The following MORC1 variants were observed in gnomAD, a reference collection of about 807,000 sequenced individuals.
MORC1 encodes the protein MORC family CW-type zinc finger protein 1.
MORC1 carries 59 observed loss-of-function variants against 134.9 expected under a neutral mutation model. The observed-to-expected ratio is 0.44, with a 90% CI of 0.35 to 0.54. MORC1 has a LOEUF of 0.54. Ranked by LOEUF, MORC1 falls within the 20% of genes least tolerant of loss-of-function variation. The probability of loss-of-function intolerance (pLI) is 0.00; values close to 1 mark genes in which losing one functional copy is unlikely to be tolerated. For missense variants in MORC1, 947 were observed against 1,134.5 expected, an observed-to-expected ratio of 0.83 and a Z score of 2.37; for synonymous variants, 395 against 391.7, an observed-to-expected ratio of 1.01 and a Z score of -0.10.
intron 21 of MORC1, among the ~76,000 whole-genome samples, chr3:108,988,200 C>A: frequency 6.6e-6 from 1 of 152,096 alleles, no homozygotes. Context: ...TAAATGGGCA[C>A]ATGTGTAGCC....
chr3:108,980,956 G>C (rs141145532), intron 23 of MORC1, among the ~76,000 whole-genome samples: 182 of 152,196 alleles, frequency 1.2e-3, no homozygotes, highest in African/African-American at 4.2e-3. Flanking sequence ...AGCAGAGTGG[G>C]CACTACCATT....
At chr3:108,981,236 C>T (rs1947708965) in intron 23 of MORC1, among the ~76,000 whole-genome samples, 1 of 151,878 alleles carries the variant, frequency 6.6e-6, no homozygotes, top group East Asian at 1.9e-4. Context: ...ATGCTGATGT[C>T]CATAAATTAA....
rs78844971 is a variant in MORC1 at position 109,083,487 on chromosome 3, A to G, written c.689+9949T>C. On this transcript the variant is annotated intron_variant, in intron 8 of 27. Coordinates refer to ENST00000232603, the MANE Select transcript of MORC1 (RefSeq NM_014429.4). ...GCAACCTGTTAAGAGATAGTAATATAGTGCTGGGCGCAGTGGCTCACGCCT... is the reference window on the plus strand; with the variant it reads ...GCAACCTGTTAAGAGATAGTAATATGGTGCTGGGCGCAGTGGCTCACGCCT... 2.4e-3 allele frequency among the ~76,000 whole-genome samples: 370 copies of G among 152,280 alleles called. 1 individual carries two copies. Among genetic ancestry groups the G allele is most frequent in the Admixed American group, 4.8e-3 (74 of 15,284 alleles).
chr3:109,100,445 T>C lies in MORC1; in HGVS notation c.286A>G (p.Ile96Val), dbSNP rs1206148603. The C allele has an allele frequency of 6.2e-7, 1 of 1,613,492 alleles. No homozygotes were observed. Among genetic ancestry groups the C allele is most frequent in the Non-Finnish European group, 8.5e-7 (1 of 1,179,550 alleles). ...SKKRLSTLKFIGQYGNGLKSG... is the reference protein window; with the variant it reads ...SKKRLSTLKFVGQYGNGLKSG... ...TTAAGACCATTGCCGTATTGCCCTA[T>C]GAACTTCAAGGTTGACAGCCGTTTT... The change falls in exon 5 of 28, where the codon ATA (isoleucine) becomes GTA (valine). Residue 96 changes from isoleucine (I) to valine (V), a missense_variant. This residue lies in a region of MORC1 where 214 missense variants were observed against 281.3 expected (regional missense o/e 0.76). Coordinates refer to ENST00000232603, the MANE Select transcript of MORC1 (RefSeq NM_014429.4).
intron 2 of MORC1, among the ~76,000 whole-genome samples, chr3:109,111,723 C>G (rs1314174184): frequency 6.6e-6 from 1 of 152,180 alleles, no homozygotes; most frequent in Non-Finnish European, 1.5e-5. Context: ...AGTGCAACAA[C>G]AGCAACTATG....
At chr3:108,972,764 G>C (rs1173824136) in intron 24 of MORC1, among the ~76,000 whole-genome samples, 3 of 152,124 alleles carry the variant, frequency 2.0e-5, no homozygotes, top group Non-Finnish European at 4.4e-5. Context: ...TCAAATTCAG[G>C]CTCCCTTTCC....
intron 19 of MORC1, 21 bp from the exon 20 acceptor site, chr3:109,004,909 G>GA (rs529562719): frequency 2.7e-4 from 434 of 1,586,034 alleles, no homozygotes; most frequent in Admixed American, 5.6e-4. Flanking sequence ...AGAGAATACA[G>GA]AAAAAAAAAT....
At chr3:109,083,565 C>T (rs1950563027) in intron 8 of MORC1, among the ~76,000 whole-genome samples, 2 of 152,146 alleles carry the variant, frequency 1.3e-5, no homozygotes. Context: ...GTCTTCACTG[C>T]TGAATTGTAC....
Position 108,963,584 on chromosome 3 carries a change from A to G in MORC1, c.2629T>C (p.Tyr877His). Residue 877 changes from tyrosine (Y) to histidine (H), a missense_variant, in exon 27 of 28, where the codon TAT (tyrosine) becomes CAT (histidine). Physicochemically the swap from Tyr to His is moderately conservative, Grantham distance 83. Transcript: ENST00000232603. ...AATTTCCTCTTTATTTTTTTTTCAT[A>G]TTGGACCATGTAAGTATTCTGTATC... ...NQIQNTYMVQ[Y>H]EKKIKRKLQS... 1 of 1,573,384 alleles carries G rather than the reference A, an allele frequency of 6.4e-7. No individual in the cohort carries two copies. Among genetic ancestry groups the G allele is most frequent in the Non-Finnish European group, 8.6e-7 (1 of 1,161,750 alleles).
At chr3:108,987,041 G>T in intron 21 of MORC1, 92 bp from the exon 22 acceptor site, 1 of 896,038 alleles carries the variant, frequency 1.1e-6, no homozygotes, top group South Asian at 2.5e-5. Flanking sequence ...GTCCCCAGCA[G>T]AAAAGAAATC....
intron 17 of MORC1, among the ~76,000 whole-genome samples, chr3:109,026,437 C>T (rs1204952561): frequency 6.6e-6 from 1 of 152,182 alleles, no homozygotes; most frequent in Non-Finnish European, 1.5e-5. Context: ...CCATCAGATT[C>T]TCTACCTCAA....
At chr3:108,996,286 G>GCGCA in intron 21 of MORC1, among the ~76,000 whole-genome samples, 3 of 146,470 alleles carry the variant, frequency 2.0e-5, no homozygotes, top group African/African-American at 5.1e-5. Flanking sequence ...GCGCGCGCGC[G>GCGCA]CACACACACA....
At chr3:109,078,935 A>G (rs1950473933) in intron 8 of MORC1, among the ~76,000 whole-genome samples, 1 of 151,972 alleles carries the variant, frequency 6.6e-6, no homozygotes, top group African/African-American at 2.4e-5. Context: ...TTTAAGCCCC[A>G]AAATTCCAAA....
chr3:109,033,286 G>GAGGA (rs55742240), intron 15 of MORC1, among the ~76,000 whole-genome samples: 10,692 of 136,620 alleles, frequency 0.078, 488 homozygotes, highest in African/African-American at 0.12. Context: ...AGCAAGAAAG[G>GAGGA]AGGAAGGAAG....
intron 14 of MORC1, among the ~76,000 whole-genome samples, chr3:109,043,875 A>C (rs1949619067): frequency 6.6e-6 from 1 of 152,214 alleles, no homozygotes; most frequent in South Asian, 2.1e-4. Flanking sequence ...TAACCAAAAT[A>C]TTTCTATCCA....
chr3:108,979,987 C>G (rs556602153), intron 23 of MORC1, among the ~76,000 whole-genome samples: 1 of 152,072 alleles, frequency 6.6e-6, no homozygotes, highest in South Asian at 2.1e-4. Flanking sequence ...TGTTAAACAA[C>G]TATACAATAT....
At position 109,001,939 on chromosome 3, in the gene MORC1, T is replaced by C. The variant is rs564111037; in HGVS notation, c.2086-1281A>G. On this transcript the variant is annotated intron_variant, in intron 20 of 27. Transcript: ENST00000232603. ...TTCTACAATTCCCAATTTCAATTAA[T>C]GGAATCACCATTCAACCTGGTGAAA... Among the ~76,000 whole-genome samples the C allele has an allele frequency of 3.3e-5, 5 of 152,348 alleles. No homozygotes were observed. In the South Asian group the frequency reaches 8.3e-4, roughly 25 times the overall value.
chr3:109,024,212 A>G (rs1430276584), intron 17 of MORC1, among the ~76,000 whole-genome samples: 1 of 152,174 alleles, frequency 6.6e-6, no homozygotes, highest in Non-Finnish European at 1.5e-5. Context: ...TATTTTTCCT[A>G]TAAGACTGCG....
intron 8 of MORC1, among the ~76,000 whole-genome samples, chr3:109,083,778 C>A (rs944502604): frequency 2.0e-5 from 3 of 152,054 alleles, no homozygotes. Context: ...ACAAGCAAAT[C>A]GAATTCATCA....
Sources: allele counts gnomAD v4.1 joint callset (sites outside exome capture counted in the v4.1 genomes callset), GRCh38; gene constraint gnomAD v4.1.1; regional missense constraint gnomAD v4.1.1; transcripts MANE v1.5; gene names NCBI Gene and HGNC (gene_info 2026-07-23, HGNC 2026-07-21).